The following EML4 variants were observed in gnomAD, a reference collection of about 807,000 sequenced individuals.
EML4 encodes echinoderm microtubule-associated protein-like 4.
A neutral mutation model predicts 129.0 loss-of-function variants in EML4; 72 were observed. The observed-to-expected ratio is 0.56, with a 90% CI of 0.46 to 0.68. The LOEUF is 0.68. Ranked by LOEUF, EML4 falls within the 30% of genes least tolerant of loss-of-function variation. The probability of loss-of-function intolerance (pLI) is 0.00; values close to 1 mark genes in which losing one functional copy is unlikely to be tolerated. For missense variants in EML4, 1,363 were observed against 1,190.6 expected, an observed-to-expected ratio of 1.14 and a Z score of -2.13; for synonymous variants, 532 against 405.0, an observed-to-expected ratio of 1.31 and a Z score of -3.77.
intron 13 of EML4, among the ~76,000 whole-genome samples, chr2:42,299,048 C>A (rs1232096086): frequency 1.3e-5 from 2 of 152,152 alleles, no homozygotes; most frequent in Non-Finnish European, 2.9e-5. Flanking sequence ...CTACCTATGC[C>A]AGTGAACACA....
At chr2:42,170,544 T>C (rs1670208288) in intron 1 of EML4, among the ~76,000 whole-genome samples, 1 of 152,230 alleles carries the variant, frequency 6.6e-6, no homozygotes, top group Non-Finnish European at 1.5e-5. Flanking sequence ...GAAGGTAATC[T>C]TCTGGCTAGG....
Position 42,303,314 on chromosome 2 carries a change from G to C in EML4, c.1768-1G>C. 6.2e-7 allele frequency: 1 copy of C among 1,613,996 alleles called. No homozygotes were observed. The highest frequency in any genetic ancestry group is 8.5e-7 in the Non-Finnish European group (1 of 1,179,990). On this transcript the variant is annotated splice_acceptor_variant, in intron 15 of 22. Coordinates refer to ENST00000318522, the MANE Select transcript of EML4 (RefSeq NM_019063.5). LOFTEE classifies it high-confidence loss of function. ...TAACAATGAGTGTCTTTCATTTTCAGGGTCATACAGATGAGCTTTGGGGTC... is the reference window on the plus strand; with the variant it reads ...TAACAATGAGTGTCTTTCATTTTCACGGTCATACAGATGAGCTTTGGGGTC...
chr2:42,297,464 C>A (rs1467581198), intron 13 of EML4, among the ~76,000 whole-genome samples: 1 of 152,158 alleles, frequency 6.6e-6, no homozygotes, highest in African/African-American at 2.4e-5. Context: ...TCTACATATG[C>A]ACAAACAGGA....
chr2:42,242,764 T>C (rs1675125223), intron 1 of EML4, among the ~76,000 whole-genome samples: 1 of 151,906 alleles, frequency 6.6e-6, no homozygotes, highest in Admixed American at 6.6e-5. Flanking sequence ...TTTTTTCTCT[T>C]TTCTTTTTTC....
intron 6 of EML4, among the ~76,000 whole-genome samples, chr2:42,268,453 T>C (rs894058667): frequency 6.6e-6 from 1 of 152,154 alleles, no homozygotes; most frequent in Non-Finnish European, 1.5e-5. Context: ...TATTTATTTA[T>C]TTAGAGACAG....
chr2:42,272,923 A>G lies in EML4; in HGVS notation c.668-7927A>G, dbSNP rs1006218160. On this transcript the variant is annotated intron_variant, in intron 6 of 22. Coordinates refer to ENST00000318522, the MANE Select transcript of EML4 (RefSeq NM_019063.5). ...TTGGACAGCCTTCAAACATATTTTA[A>G]GAAATAACATTATAGTTGAAACTTC... Among the ~76,000 whole-genome samples the G allele has an allele frequency of 1.1e-4, 16 of 152,184 alleles. 1 individual carries two copies. Among genetic ancestry groups the G allele is most frequent in the Admixed American group, 6.5e-4 (10 of 15,282 alleles).
intron 3 of EML4, among the ~76,000 whole-genome samples, chr2:42,259,642 A>G (rs184050353): frequency 6.6e-6 from 1 of 152,042 alleles, no homozygotes; most frequent in Admixed American, 6.5e-5. Context: ...CTCAGAAATG[A>G]AAGGAGTAAG....
intron 17 of EML4, among the ~76,000 whole-genome samples, chr2:42,311,823 C>A (rs923954128): frequency 1.3e-5 from 2 of 152,096 alleles, no homozygotes; most frequent in Non-Finnish European, 2.9e-5. Context: ...TGTCCAGTTG[C>A]AATAAAGTGT....
chr2:42,205,070 A>C (rs965407083), intron 1 of EML4, among the ~76,000 whole-genome samples: 3 of 152,204 alleles, frequency 2.0e-5, no homozygotes, highest in African/African-American at 7.2e-5. Flanking sequence ...CTTTTTGTAT[A>C]TTAGGTGTTG....
intron 10 of EML4, among the ~76,000 whole-genome samples, chr2:42,287,627 A>C (rs1325288355): frequency 6.6e-6 from 1 of 152,196 alleles, no homozygotes; most frequent in Non-Finnish European, 1.5e-5. Context: ...TATTTTTCTT[A>C]AACTGGAATA....
chr2:42,202,747 C>T (rs1672307258), intron 1 of EML4, among the ~76,000 whole-genome samples: 1 of 152,170 alleles, frequency 6.6e-6, no homozygotes, highest in South Asian at 2.1e-4. Context: ...GTAGGTCTGC[C>T]TTTCCCAATC....
chr2:42,276,292 G>A (rs1371301399), intron 6 of EML4, among the ~76,000 whole-genome samples: 1 of 152,008 alleles, frequency 6.6e-6, no homozygotes, highest in African/African-American at 2.4e-5. Flanking sequence ...TATTTCTTTT[G>A]AAAAATAAGA....
At chr2:42,288,577 A>G (rs1368324658) in intron 11 of EML4, 1 of 217,636 alleles carries the variant, frequency 4.6e-6, no homozygotes, top group East Asian at 9.8e-5. Context: ...GCCAGAGTAG[A>G]TGGATGTGTG....
Position 42,308,985 on chromosome 2 carries a change from T to G in EML4, c.1967+4434T>G, listed in dbSNP as rs145510702. ...TTCATCAACTGATGGACATAGGGGTTATTTCCACTTTTTGGCTACTATGAA... is the reference window on the plus strand; with the variant it reads ...TTCATCAACTGATGGACATAGGGGTGATTTCCACTTTTTGGCTACTATGAA... On this transcript the variant is annotated intron_variant, in intron 17 of 22. Coordinates refer to ENST00000318522, the MANE Select transcript of EML4 (RefSeq NM_019063.5). Among the ~76,000 whole-genome samples the G allele has an allele frequency of 4.9e-3, 754 of 152,360 alleles. 2 individuals carry two copies. The highest frequency in any genetic ancestry group is 7.1e-3 in the Admixed American group (108 of 15,304).
At chr2:42,191,032 AT>A (rs1671551551) in intron 1 of EML4, among the ~76,000 whole-genome samples, 1 of 152,210 alleles carries the variant, frequency 6.6e-6, no homozygotes, top group Non-Finnish European at 1.5e-5. Context: ...TTATAGTCAT[AT>A]CTTACATTGA....
chr2:42,308,551 T>C (rs1411093538), intron 17 of EML4, among the ~76,000 whole-genome samples: 1 of 152,150 alleles, frequency 6.6e-6, no homozygotes, highest in Non-Finnish European at 1.5e-5. Flanking sequence ...TTAACAACTT[T>C]GTTGAGATAT....
At chr2:42,243,948 A>C (rs898849461) in intron 1 of EML4, among the ~76,000 whole-genome samples, 1 of 152,186 alleles carries the variant, frequency 6.6e-6, no homozygotes, top group African/African-American at 2.4e-5. Flanking sequence ...GTGTGGTCCA[A>C]ACAGCTCTTA....
intron 4 of EML4, chr2:42,261,580 T>A (rs1044822922): frequency 8.1e-6 from 2 of 247,960 alleles, no homozygotes; most frequent in African/African-American, 4.4e-5. Context: ...AAACAATATT[T>A]TCTTAACCAC....
intron 11 of EML4, among the ~76,000 whole-genome samples, chr2:42,294,839 G>C (rs1238933084): frequency 6.6e-6 from 1 of 152,114 alleles, no homozygotes; most frequent in Non-Finnish European, 1.5e-5. Flanking sequence ...ACAGTTTTAA[G>C]TGTACTTTTC....
Sources: allele counts gnomAD v4.1 joint callset (sites outside exome capture counted in the v4.1 genomes callset), GRCh38; gene constraint gnomAD v4.1.1; transcripts MANE v1.5; gene names NCBI Gene and HGNC (gene_info 2026-07-23, HGNC 2026-07-21).